Variants in PCDHGA5 observed in about 807,000 individuals in gnomAD.
PCDHGA5 encodes protocadherin gamma subfamily A, 5, also known as protocadherin gamma-A5.
A neutral mutation model predicts 56.7 loss-of-function variants in PCDHGA5; 36 were observed. The observed-to-expected ratio is 0.64, with a 90% CI of 0.49 to 0.84. The LOEUF (loss-of-function observed/expected upper bound fraction) is 0.84, where lower values mean the gene tolerates loss of function less well. Among genes scored for constraint, PCDHGA5 ranks in the 40% least tolerant of loss-of-function variants. The pLI is 0.00. For missense variants in PCDHGA5, 1,305 were observed against 1,201.5 expected, an observed-to-expected ratio of 1.09 and a Z score of -1.27; for synonymous variants, 563 against 520.2, an observed-to-expected ratio of 1.08 and a Z score of -1.12.
rs749415234 is a variant in PCDHGA5 at position 141,419,462 on chromosome 5, C to G, written c.2421+52711C>G. 9 of 1,612,582 alleles carry G rather than the reference C, an allele frequency of 5.6e-6. 1 individual carries two copies. The highest frequency in any genetic ancestry group is 1.7e-5 in the Admixed American group (1 of 59,984). On this transcript the variant is annotated intron_variant, in intron 1 of 3. Transcript: ENST00000518069. ...CACCTTCGAGCTCACGCTGCAGGCC[C>G]GCGACCAGGGCTCGCCCGCGCTCAG... is the stretch of plus-strand genomic sequence containing the variant.
intron 1 of PCDHGA5, among the ~76,000 whole-genome samples, chr5:141,448,861 C>T (rs1017826063): frequency 2.0e-5 from 3 of 152,118 alleles, no homozygotes; most frequent in African/African-American, 7.2e-5. Flanking sequence ...AGGAGAATGG[C>T]GTGAACCTGG....
At chr5:141,404,192 A>G in intron 1 of PCDHGA5, 1 of 1,613,574 alleles carries the variant, frequency 6.2e-7, no homozygotes. Flanking sequence ...TGACCGAGAA[A>G]AAGCCTCAGA....
chr5:141,461,429 T>A lies in PCDHGA5; in HGVS notation c.2422-33378T>A, dbSNP rs193056679. On this transcript the variant is annotated intron_variant, in intron 1 of 3. Coordinates refer to ENST00000518069, the MANE Select transcript of PCDHGA5 (RefSeq NM_018918.3). The stretch of plus-strand genomic sequence containing the variant: ...TTTTCATATGTTTGTGGGCCATTTG[T>A]ATACCTTCTTTTGAGAAATGGCTAT... Among the ~76,000 whole-genome samples the A allele has an allele frequency of 5.6e-4, 85 of 152,328 alleles. 1 individual carries two copies. The highest frequency in any genetic ancestry group is 1.5e-3 in the African/African-American group (64 of 41,580).
intron 1 of PCDHGA5, among the ~76,000 whole-genome samples, chr5:141,473,661 G>T (rs935648567): frequency 2.6e-5 from 4 of 152,172 alleles, no homozygotes; most frequent in Non-Finnish European, 4.4e-5. Context: ...TTGTGTGAAG[G>T]CCCTGAGACA....
At chr5:141,448,185 G>A (rs2098572532) in intron 1 of PCDHGA5, among the ~76,000 whole-genome samples, 1 of 152,020 alleles carries the variant, frequency 6.6e-6, no homozygotes, top group Non-Finnish European at 1.5e-5. Flanking sequence ...CCCTGGTTAT[G>A]TACACTTACA....
chr5:141,420,022 TA>T (rs2096459209), intron 1 of PCDHGA5: 1 of 1,613,986 alleles, frequency 6.2e-7, no homozygotes. Flanking sequence ...CTTTCAGCCC[TA>T]CTGCAGGAGA....
chr5:141,478,631 A>G (rs781339775), intron 1 of PCDHGA5: 1 of 1,553,196 alleles, frequency 6.4e-7, no homozygotes, highest in Non-Finnish European at 8.7e-7. Context: ...CTGTTTTTTT[A>G]GTGATGAAGA....
chr5:141,433,358 CCTATCTAT>C lies in PCDHGA5; in HGVS notation c.2422-61408_2422-61401del, dbSNP rs3074541. On this transcript the variant is annotated intron_variant, in intron 1 of 3. Transcript: ENST00000518069. ...ACAGGTGCAAGCCACCTACTGTCTG[CCTATCTAT>C]CTATCTATCTATCTATCTATCTATC... is the stretch of plus-strand genomic sequence containing the variant. The C allele has an allele frequency of 7.0e-3, 3,504 of 501,060 alleles. 20 individuals carry two copies. The highest frequency in any genetic ancestry group is 7.9e-3 in the Non-Finnish European group (2,251 of 285,142). The allele number at this position is 501,060 out of a possible 1,614,324, so 31.0% of individuals were successfully genotyped here.
At chr5:141,385,152 G>C in intron 1 of PCDHGA5, 1 of 1,614,210 alleles carries the variant, frequency 6.2e-7, no homozygotes, top group Non-Finnish European at 8.5e-7. Flanking sequence ...CTTTCCTGCA[G>C]ACCTATTCCC....
Position 141,505,556 on chromosome 5 carries a change from C to T in PCDHGA5, c.2569+75C>T, listed in dbSNP as rs2233611. ...GGGTGCATCTCACAGCCACCATGCC[C>T]ACGGACTGGATGTCAAACCTGTGTA... On this transcript the variant is annotated intron_variant, in intron 3 of 3. Transcript: ENST00000518069. 1,282 of 1,606,040 alleles carry T rather than the reference C, an allele frequency of 8.0e-4. 6 individuals are homozygous for T. In the African/African-American group the frequency reaches 0.013, roughly 16 times the overall value.
intron 1 of PCDHGA5, chr5:141,409,877 G>A: frequency 6.2e-7 from 1 of 1,612,860 alleles, no homozygotes; most frequent in Non-Finnish European, 8.5e-7. Context: ...CAATGACAAC[G>A]CACCGCGGGT....
Position 141,365,783 on chromosome 5 carries a change from G to A in PCDHGA5, c.1453G>A (p.Ala485Thr). 6.2e-7 allele frequency: 1 copy of A among 1,613,842 alleles called. No homozygotes were observed. The highest frequency in any genetic ancestry group is 8.5e-7 in the Non-Finnish European group (1 of 1,179,874). ...CCATGACCCCGACAGCGGCGACAAC[G>A]CTCGAGTCACCTACTCCCTGGCTGA... The part of the protein sequence containing the change: ...TAHDPDSGDN[A>T]RVTYSLAEDT... The change falls in exon 1 of 4, where the codon GCT becomes ACT. Residue 485 changes from alanine (A) to threonine (T), a missense_variant. By Grantham distance (58) the Ala-to-Thr change is moderately conservative. Coordinates refer to ENST00000518069, the MANE Select transcript of PCDHGA5 (RefSeq NM_018918.3).
chr5:141,504,461 C>T (rs1485490028), intron 2 of PCDHGA5, among the ~76,000 whole-genome samples: 1 of 151,900 alleles, frequency 6.6e-6, no homozygotes, highest in Non-Finnish European at 1.5e-5. Flanking sequence ...GTGGGGCAGC[C>T]GCTGGGATGG....
At chr5:141,462,062 A>T (rs957948334) in intron 1 of PCDHGA5, among the ~76,000 whole-genome samples, 3 of 152,168 alleles carry the variant, frequency 2.0e-5, no homozygotes, top group African/African-American at 2.4e-5. Context: ...ACCTCAGGTG[A>T]TCTGCCCGCC....
chr5:141,397,353 AG>A (rs556761818), intron 1 of PCDHGA5, among the ~76,000 whole-genome samples: 31 of 152,340 alleles, frequency 2.0e-4, no homozygotes, highest in Non-Finnish European at 2.9e-4. Flanking sequence ...TAATATAGTC[AG>A]GAAGAGGAGA....
intron 1 of PCDHGA5, chr5:141,441,637 C>T (rs1200679247): frequency 4.4e-6 from 1 of 228,574 alleles, no homozygotes; most frequent in South Asian, 4.8e-5. Context: ...GAGCCACAGG[C>T]GCTGTGATTC....
At position 141,491,770 on chromosome 5, in the gene PCDHGA5, G is replaced by C. The variant is rs1230581925; in HGVS notation, c.2422-3037G>C. 1 of 1,560,888 alleles carries C rather than the reference G, an allele frequency of 6.4e-7. No individual in the cohort carries two copies. Among genetic ancestry groups the C allele is most frequent in the Non-Finnish European group, 8.7e-7 (1 of 1,154,942 alleles). On this transcript the variant is annotated intron_variant, in intron 1 of 3. Coordinates refer to ENST00000518069, the MANE Select transcript of PCDHGA5 (RefSeq NM_018918.3). This position sits in a 1 kb window ranked among gnomAD's most constrained non-coding sequence, Gnocchi z 6.9. ...TGGAGAAGCCGCCCGTCCTCATAAG[G>C]GATTGAACTTGCATCCACTCCTCTC...
intron 1 of PCDHGA5, chr5:141,376,743 G>A (rs894394205): frequency 9.7e-5 from 48 of 493,300 alleles, no homozygotes; most frequent in Non-Finnish European, 1.5e-4. Flanking sequence ...GCGGACTGCA[G>A]TGGCGCAATC....
At chr5:141,433,400 TATCTATTA>T (rs1426636766) in intron 1 of PCDHGA5, among the ~76,000 whole-genome samples, 16 of 151,506 alleles carry the variant, frequency 1.1e-4, no homozygotes, top group African/African-American at 3.4e-4. Context: ...TCTATCTATC[TATCTATTA>T]CTTTCTTGTA....
Sources: allele counts gnomAD v4.1 joint callset (sites outside exome capture counted in the v4.1 genomes callset), GRCh38; gene constraint gnomAD v4.1.1; non-coding constraint Gnocchi (gnomAD v3.1); transcripts MANE v1.5; gene names NCBI Gene and HGNC (gene_info 2026-07-23, HGNC 2026-07-21).